SUFU: variants seen among roughly 807,000 people sequenced by gnomAD.
The protein encoded by SUFU is suppressor of fused homolog.
Under a neutral mutation model 58.9 loss-of-function variants are expected in SUFU, and 7 were observed. The observed-to-expected ratio is 0.12, with a 90% CI of 0.07 to 0.22. The LOEUF (loss-of-function observed/expected upper bound fraction) is 0.22, where lower values mean the gene tolerates loss of function less well. Among genes scored for constraint, SUFU ranks in the 10% least tolerant of loss-of-function variants. The probability of loss-of-function intolerance (pLI) is 1.00; values close to 1 mark genes in which losing one functional copy is unlikely to be tolerated. For synonymous variants in SUFU, 232 were observed against 254.8 expected (o/e 0.91, Z 0.85); for missense variants, 451 against 641.3 (o/e 0.70, Z 3.20).
At position 102,537,173 on chromosome 10, in the gene SUFU, C is replaced by T. The variant is rs59289017; in HGVS notation, c.318-12797C>T. 9.1e-3 allele frequency among the ~76,000 whole-genome samples: 1,241 copies of T among 135,874 alleles called. 23 individuals carry two copies. Among genetic ancestry groups the T allele is most frequent in the African/African-American group, 0.031 (1,148 of 36,746 alleles). The allele number at this position is 135,874 out of a possible 152,430, so 89.1% of individuals were successfully genotyped here. On this transcript the variant is annotated intron_variant, in intron 2 of 11. Coordinates refer to ENST00000369902, the MANE Select transcript of SUFU (RefSeq NM_016169.4). The stretch of plus-strand genomic sequence containing the variant: ...TTTGAGTCAAGGTCTTGCTCTGTCA[C>T]TCAGGCTGCAGTGCAGTGGTGCAGC...
chr10:102,540,774 C>T (rs1443103866), intron 2 of SUFU, among the ~76,000 whole-genome samples: 2 of 151,700 alleles, frequency 1.3e-5, no homozygotes, highest in African/African-American at 2.4e-5. Flanking sequence ...ACAATCCTAG[C>T]GCTCTGGGAG....
chr10:102,575,091 G>A (rs2063200477), intron 3 of SUFU, among the ~76,000 whole-genome samples: 1 of 151,860 alleles, frequency 6.6e-6, no homozygotes, highest in Non-Finnish European at 1.5e-5. Flanking sequence ...TGGTGTGCCT[G>A]TAGTCTTAGC....
At chr10:102,503,784 C>A (rs1442522142), upstream of SUFU, among the ~76,000 whole-genome samples, 1 of 152,198 alleles carries the variant, frequency 6.6e-6, no homozygotes, top group Non-Finnish European at 1.5e-5. Flanking sequence ...ACTTGGGTTC[C>A]TCCTAACACT....
Position 102,619,086 on chromosome 10 carries a change from C to T in SUFU, c.1296+1658C>T. On this transcript the variant is annotated intron_variant, in intron 10 of 11. Coordinates refer to ENST00000369902, the MANE Select transcript of SUFU (RefSeq NM_016169.4). This position sits in a 1 kb window ranked among gnomAD's most constrained non-coding sequence, Gnocchi z 4.2. ...CTCAGCTCTGAACCTATCCTCGGAG[C>T]TCTGCCCTCCCGTCCTGGAACGTCT... is the stretch of plus-strand genomic sequence containing the variant. 6.2e-7 allele frequency: 1 copy of T among 1,612,792 alleles called. No individual in the cohort carries two copies. The highest frequency in any genetic ancestry group is 1.1e-5 in the South Asian group (1 of 91,090).
intron 9 of SUFU, among the ~76,000 whole-genome samples, chr10:102,616,654 C>T (rs948103307): frequency 2.0e-5 from 3 of 152,258 alleles, no homozygotes; most frequent in African/African-American, 7.2e-5. Flanking sequence ...CTGCCTGCCC[C>T]TCCCCCAGGT....
intron 8 of SUFU, among the ~76,000 whole-genome samples, chr10:102,607,025 C>A (rs2063568332): frequency 6.6e-6 from 1 of 151,268 alleles, no homozygotes; most frequent in Non-Finnish European, 1.5e-5. Context: ...TTTGAATGTC[C>A]TGGGAGGAGG....
intron 9 of SUFU, among the ~76,000 whole-genome samples, chr10:102,616,253 C>T (rs1461285292): frequency 1.3e-5 from 2 of 152,238 alleles, no homozygotes; most frequent in Non-Finnish European, 2.9e-5. Flanking sequence ...ACGGCTGCAT[C>T]TGCTACAGCT....
At chr10:102,505,105 C>T (rs1320593712) in intron 1 of SUFU, among the ~76,000 whole-genome samples, 1 of 152,156 alleles carries the variant, frequency 6.6e-6, no homozygotes, top group African/African-American at 2.4e-5. Flanking sequence ...CAGCTTCCCA[C>T]CTCCAGTTGG....
intron 1 of SUFU, among the ~76,000 whole-genome samples, chr10:102,508,959 G>C (rs1456209808): frequency 3.3e-5 from 5 of 152,242 alleles, no homozygotes; most frequent in Non-Finnish European, 5.9e-5. Flanking sequence ...TTCAGGGGTA[G>C]GAGAAGGGAG....
chr10:102,509,070 C>T, intron 1 of SUFU, 99 bp from the exon 2 acceptor site: 2 of 1,558,130 alleles, frequency 1.3e-6, no homozygotes, highest in Non-Finnish European at 1.8e-6. Context: ...CCAGGTTCCT[C>T]CAGGATGGGT....
In SUFU at chr10:102,629,690, A is replaced by G. The variant is rs1056737268; in HGVS notation, c.1366-376A>G. Among the ~76,000 whole-genome samples the G allele has an allele frequency of 6.6e-6, 1 of 152,110 alleles. No individual in the cohort carries two copies. The highest frequency in any genetic ancestry group is 2.4e-5 in the African/African-American group (1 of 41,432). On this transcript the variant is annotated intron_variant, in intron 11 of 11. Transcript: ENST00000369902. The surrounding 1 kb of genome is among the most constrained non-coding windows in gnomAD (Gnocchi z 4.7). ...GTGACAGAGCTCAGGCCACTTCCCCATAGCCTCCAGACCCTCCCCCAGCCC... is the reference window on the plus strand; with the variant it reads ...GTGACAGAGCTCAGGCCACTTCCCCGTAGCCTCCAGACCCTCCCCCAGCCC...
At chr10:102,614,381 C>T (rs890398108) in intron 8 of SUFU, among the ~76,000 whole-genome samples, 1 of 150,850 alleles carries the variant, frequency 6.6e-6, no homozygotes, top group Non-Finnish European at 1.5e-5. Context: ...CATGGTGAAA[C>T]CCTGTCTCTA....
intron 2 of SUFU, among the ~76,000 whole-genome samples, chr10:102,531,412 C>T (rs763800786): frequency 6.3e-4 from 96 of 152,320 alleles, no homozygotes; most frequent in Non-Finnish European, 1.1e-3. Flanking sequence ...TTACTCCCAT[C>T]GCCCAGCCTT....
At chr10:102,524,295 G>A (rs552432416) in intron 2 of SUFU, among the ~76,000 whole-genome samples, 66 of 149,982 alleles carry the variant, frequency 4.4e-4, no homozygotes, top group African/African-American at 1.2e-3. Context: ...ATGAGCCACC[G>A]CACCCAGCCT....
At chr10:102,512,784 G>T (rs917278644) in intron 2 of SUFU, among the ~76,000 whole-genome samples, 3 of 152,156 alleles carry the variant, frequency 2.0e-5, no homozygotes, top group Admixed American at 6.5e-5. Context: ...ACTTCTATAG[G>T]CTGCGCATGG....
At chr10:102,537,848 G>A (rs1026406415) in intron 2 of SUFU, among the ~76,000 whole-genome samples, 1 of 152,132 alleles carries the variant, frequency 6.6e-6, no homozygotes, top group Non-Finnish European at 1.5e-5. Context: ...TGCTAATAAT[G>A]CTACTCTGAA....
At chr10:102,620,682 G>A (rs1053226214) in intron 10 of SUFU, among the ~76,000 whole-genome samples, 1 of 152,172 alleles carries the variant, frequency 6.6e-6, no homozygotes, top group Non-Finnish European at 1.5e-5. Context: ...CAGACCCTGG[G>A]AGGGGGCCTG....
intron 3 of SUFU, among the ~76,000 whole-genome samples, chr10:102,580,315 G>A (rs547394045): frequency 3.3e-5 from 5 of 152,274 alleles, no homozygotes; most frequent in Admixed American, 6.5e-5. Context: ...TGTTAAAGGG[G>A]AATTACGCAG....
intron 6 of SUFU, 97 bp from the exon 7 acceptor site, chr10:102,597,043 G>A (rs2063470013): frequency 1.4e-6 from 2 of 1,425,732 alleles, no homozygotes; most frequent in Non-Finnish European, 9.9e-7. Context: ...CACCACAAGG[G>A]CTCAGTAAAT....
Sources: gnomAD v4.1 joint callset for allele counts (sites outside exome capture counted in the v4.1 genomes callset) on GRCh38, gnomAD v4.1.1 for gene constraint, Gnocchi (gnomAD v3.1) non-coding constraint, MANE v1.5 for transcripts, NCBI Gene and HGNC (gene_info 2026-07-23, HGNC 2026-07-21) for gene names.